The following MAF variants were observed in gnomAD, a reference collection of about 807,000 sequenced individuals.
The protein encoded by MAF is MAF bZIP transcription factor.
Under a neutral mutation model 22.0 loss-of-function variants are expected in MAF, and 10 were observed. The observed-to-expected ratio is 0.45, with a 90% CI of 0.28 to 0.77. The LOEUF is 0.77. Among genes scored for constraint, MAF ranks in the 30% least tolerant of loss-of-function variants. MAF has a pLI of 0.12. For synonymous variants in MAF, 337 were observed against 255.8 expected (o/e 1.32, Z -3.03); for missense variants, 544 against 548.4 (o/e 0.99, Z 0.08).
chr16:79,505,291 C>T, the MAF span, among the ~76,000 whole-genome samples: 3 of 152,260 alleles, frequency 2.0e-5, no homozygotes, highest in African/African-American at 7.2e-5. Context: ...ATTCCCTGCC[C>T]CAGTGTTCCT....
At chr16:79,254,253 G>T in the MAF span, among the ~76,000 whole-genome samples, 3 of 151,898 alleles carry the variant, frequency 2.0e-5, no homozygotes, top group African/African-American at 7.3e-5. Context: ...TTCTCTCCCT[G>T]CCTCTTTCTC....
the MAF span, chr16:79,204,395 T>G: frequency 6.6e-6 from 1 of 152,046 alleles, no homozygotes. Flanking sequence ...AGCCGTTTCT[T>G]TTTCCTTCCC....
the MAF span, among the ~76,000 whole-genome samples, chr16:79,573,000 T>A: frequency 6.6e-6 from 1 of 152,166 alleles, no homozygotes; most frequent in South Asian, 2.1e-4. Context: ...CAAAAGAAAA[T>A]ATCATTATTA....
the MAF span, among the ~76,000 whole-genome samples, chr16:79,227,027 C>T: frequency 6.6e-6 from 1 of 152,034 alleles, no homozygotes; most frequent in African/African-American, 2.4e-5. Context: ...AAAATAAAAG[C>T]AGGTGGATTA....
At chr16:79,402,078 A>G in the MAF span, among the ~76,000 whole-genome samples, 1 of 152,180 alleles carries the variant, frequency 6.6e-6, no homozygotes, top group African/African-American at 2.4e-5. Flanking sequence ...TGGGAGGTTC[A>G]ATTCAGACTC....
the MAF span, among the ~76,000 whole-genome samples, chr16:79,215,687 C>A: frequency 6.6e-6 from 1 of 152,164 alleles, no homozygotes; most frequent in African/African-American, 2.4e-5. Flanking sequence ...ATTTCCAAGT[C>A]ATATAGACCA....
the MAF span, among the ~76,000 whole-genome samples, chr16:79,368,512 G>C: frequency 6.6e-6 from 1 of 151,930 alleles, no homozygotes; most frequent in Admixed American, 6.6e-5. Flanking sequence ...TTCACAAAAG[G>C]GACACAGAAG....
the MAF span, among the ~76,000 whole-genome samples, chr16:79,514,269 C>T: frequency 1.3e-5 from 2 of 152,166 alleles, no homozygotes; most frequent in East Asian, 1.9e-4. Flanking sequence ...TCAGACTTCC[C>T]ATTACCTATC....
the MAF span, among the ~76,000 whole-genome samples, chr16:79,299,909 C>T: frequency 6.6e-5 from 10 of 152,202 alleles, no homozygotes; most frequent in Non-Finnish European, 8.8e-5. Flanking sequence ...CCTAAAAATT[C>T]GAACTCTTGG....
the MAF span, among the ~76,000 whole-genome samples, chr16:79,398,361 T>A: frequency 2.0e-5 from 3 of 152,240 alleles, no homozygotes; most frequent in Non-Finnish European, 4.4e-5. Flanking sequence ...ATTAACTTAA[T>A]TTTCCTGTGA....
the MAF span, among the ~76,000 whole-genome samples, chr16:79,330,241 T>C: frequency 6.6e-6 from 1 of 152,236 alleles, no homozygotes; most frequent in African/African-American, 2.4e-5. Flanking sequence ...CAAGCATAAT[T>C]TGACGCTAGT....
At chr16:79,369,983 C>A in the MAF span, among the ~76,000 whole-genome samples, 1 of 152,196 alleles carries the variant, frequency 6.6e-6, no homozygotes, top group East Asian at 1.9e-4. Flanking sequence ...TTTCTTGGCA[C>A]TCAGTAGAAA....
At chr16:79,586,703 T>C (rs1476457847) in intron 1 of MAF, among the ~76,000 whole-genome samples, 1 of 152,186 alleles carries the variant, frequency 6.6e-6, no homozygotes, top group Non-Finnish European at 1.5e-5. Flanking sequence ...GGCAAAATAA[T>C]TATCATTTAC....
chr16:79,600,192 C>T lies in MAF; in HGVS notation c.-290G>A, dbSNP rs539912971. ...CTCGCCTCCTTGCGCGCCGAGCCGG[C>T]GGCTTCAGGCTCGGGAAGATCCTCC... On this transcript the variant is annotated 5_prime_UTR_variant, in exon 1 of 2. Transcript: ENST00000326043. 17 of 361,812 alleles carry T rather than the reference C, an allele frequency of 4.7e-5. No individual in the cohort carries two copies. In the South Asian group the frequency reaches 7.5e-4, roughly 16 times the overall value. 22.4% of individuals were successfully genotyped at this position (361,812 alleles called of 1,614,324 possible).
At chr16:79,580,973 G>A (rs1030630767), downstream of MAF, among the ~76,000 whole-genome samples, 4 of 152,124 alleles carry the variant, frequency 2.6e-5, no homozygotes, top group East Asian at 5.8e-4. Flanking sequence ...GGGTCAAATA[G>A]GTCAACACGG....
chr16:79,224,928 C>T, the MAF span, among the ~76,000 whole-genome samples: 1 of 152,126 alleles, frequency 6.6e-6, no homozygotes, highest in Admixed American at 6.6e-5. Context: ...GTGAAAATGG[C>T]CATACTGCCC....
chr16:79,311,861 G>T, the MAF span, among the ~76,000 whole-genome samples: 3 of 152,120 alleles, frequency 2.0e-5, no homozygotes, highest in Non-Finnish European at 4.4e-5. Context: ...GCATCCCTGA[G>T]AACAAAATGG....
chr16:79,326,939 T>A, the MAF span, among the ~76,000 whole-genome samples: 3 of 152,180 alleles, frequency 2.0e-5, no homozygotes, highest in Non-Finnish European at 4.4e-5. Flanking sequence ...CCAGATGGGA[T>A]AAGCTGGATT....
At chr16:79,526,789 C>T in the MAF span, among the ~76,000 whole-genome samples, 1 of 152,044 alleles carries the variant, frequency 6.6e-6, no homozygotes, top group African/African-American at 2.4e-5. Flanking sequence ...AGTCACCAAA[C>T]GTGGAGTTAG....
Sources: allele counts gnomAD v4.1 joint callset (sites outside exome capture counted in the v4.1 genomes callset), GRCh38; gene constraint gnomAD v4.1.1; transcripts MANE v1.5; gene names NCBI Gene and HGNC (gene_info 2026-07-23, HGNC 2026-07-21).